Variants in LLGL1 observed in about 807,000 individuals in gnomAD.
LLGL1 encodes the protein LLGL scribble cell polarity complex component 1.
LLGL1 carries 58 observed loss-of-function variants against 110.6 expected under a neutral mutation model. The observed-to-expected ratio is 0.52, with a 90% CI of 0.42 to 0.65. LLGL1 has a LOEUF of 0.65. Among genes scored for constraint, LLGL1 ranks in the 30% least tolerant of loss-of-function variants. The pLI, the probability that LLGL1 is intolerant of heterozygous loss-of-function variation, is 0.00. For missense variants in LLGL1, 1,229 were observed against 1,462.1 expected (o/e 0.84, Z 2.60); for synonymous variants, 674 against 607.2 (o/e 1.11, Z -1.62).
Position 18,240,086 on chromosome 17 carries a change from A to AC in LLGL1, c.2207-492_2207-491insC, listed in dbSNP as rs974970613. Among the ~76,000 whole-genome samples, 1 of 152,070 alleles carries AC rather than the reference A, an allele frequency of 6.6e-6. No individual in the cohort carries two copies. The highest frequency in any genetic ancestry group is 2.4e-5 in the African/African-American group (1 of 41,404). On this transcript the variant is annotated intron_variant, in intron 16 of 22. Coordinates refer to ENST00000316843, the MANE Select transcript of LLGL1 (RefSeq NM_004140.4). The surrounding 1 kb of genome is among the most constrained non-coding windows in gnomAD (Gnocchi z 5.3). ...TGGCGGCTTCCTCTGGCTGCCACGT[A>AC]GGGAGCACACTGAAGACAGTGGGGG...
chr17:18,235,060 G>T (rs1462842416), intron 9 of LLGL1, 29 bp from the exon 10 acceptor site: 3 of 1,613,640 alleles, frequency 1.9e-6, no homozygotes, highest in Non-Finnish European at 2.5e-6. Flanking sequence ...CTATGGCTGT[G>T]CTCACCCCAT....
chr17:18,238,239 A>G (rs906202364), intron 15 of LLGL1, 25 bp downstream of exon 15: 1 of 1,607,646 alleles, frequency 6.2e-7, no homozygotes, highest in Non-Finnish European at 8.5e-7. Flanking sequence ...GCTGCACAGG[A>G]GCTGTGCCTG....
Position 18,238,513 on chromosome 17 carries a change from A to T in LLGL1, c.2110A>T (p.Thr704Ser), listed in dbSNP as rs1184140144. The part of the protein sequence containing the change: ...EQACPHDVEM[T>S]PVQRRIEPRS... ...GGCCTGCCCCCACGACGTGGAGATGACGCCCGTGCAGCGCCGCATTGAGCC... is the reference window on the plus strand; with the variant it reads ...GGCCTGCCCCCACGACGTGGAGATGTCGCCCGTGCAGCGCCGCATTGAGCC... Residue 704 changes from threonine (T) to serine (S), a missense_variant, in exon 16 of 23, where the codon ACG becomes TCG. Physicochemically the swap from Thr to Ser is moderately conservative, Grantham distance 58. Coordinates refer to ENST00000316843, the MANE Select transcript of LLGL1 (RefSeq NM_004140.4). The T allele has an allele frequency of 6.2e-7, 1 of 1,612,592 alleles. No individual in the cohort carries two copies. Among genetic ancestry groups the T allele is most frequent in the South Asian group, 1.1e-5 (1 of 91,072 alleles).
At chr17:18,231,840 A>G (rs1270476949) in intron 2 of LLGL1, among the ~76,000 whole-genome samples, 1 of 152,088 alleles carries the variant, frequency 6.6e-6, no homozygotes. Context: ...TTGCGTTTTT[A>G]GTAGAGACGA....
At chr17:18,241,859 C>A in intron 18 of LLGL1, 26 bp from the exon 19 acceptor site, 1 of 1,603,730 alleles carries the variant, frequency 6.2e-7, no homozygotes, top group Non-Finnish European at 8.5e-7. Context: ...CTTCTAACTG[C>A]ACTCCTCATT....
intron 17 of LLGL1, 198 bp downstream of exon 17, chr17:18,241,071 G>A (rs2047819799): frequency 8.0e-6 from 5 of 627,438 alleles, no homozygotes; most frequent in South Asian, 4.7e-5. Flanking sequence ...TCAGCCTGCT[G>A]AGTTCCCCTG....
chr17:18,242,058 C>T (rs1278621781), intron 19 of LLGL1, 59 bp downstream of exon 19: 14 of 1,553,036 alleles, frequency 9.0e-6, no homozygotes, highest in African/African-American at 2.7e-5. Context: ...GGTCTCATCC[C>T]ACCCCCGAGA....
At chr17:18,236,141 C>A in intron 11 of LLGL1, 1 of 186,280 alleles carries the variant, frequency 5.4e-6, no homozygotes. Context: ...CCTTCCCCTG[C>A]CCCCTCCCTG....
At chr17:18,239,460 C>T (rs962815415) in intron 16 of LLGL1, among the ~76,000 whole-genome samples, 1 of 152,140 alleles carries the variant, frequency 6.6e-6, no homozygotes, top group African/African-American at 2.4e-5. Context: ...TGCCTGCCAC[C>T]AGCCATGTGC....
chr17:18,232,472 C>G, intron 2 of LLGL1, 23 bp from the exon 3 acceptor site: 1 of 1,607,310 alleles, frequency 6.2e-7, no homozygotes. Context: ...ATGCCTATTT[C>G]CACCTTGACC....
intron 2 of LLGL1, among the ~76,000 whole-genome samples, chr17:18,230,711 C>T (rs567155105): frequency 1.3e-5 from 2 of 152,300 alleles, no homozygotes; most frequent in South Asian, 2.1e-4. Context: ...GGGGTGCTGA[C>T]CCCTACCCCT....
Position 18,241,460 on chromosome 17 carries a change from C to T in LLGL1, c.2512C>T (p.Leu838=). 1.2e-6 allele frequency: 2 copies of T among 1,612,396 alleles called. No individual in the cohort carries two copies. The highest frequency in any genetic ancestry group is 2.2e-5 in the South Asian group (2 of 91,036). ...AGCCACCTGCTGTCAGGTGTTCACA[C>T]TGCCCAAGGTGAGCGCGAAGACCAA... is the stretch of plus-strand genomic sequence containing the variant. ...ASEEQFKVFT[L]PKVSAKTKFK... The change falls in exon 18 of 23, where the codon CTG becomes TTG. Residue 838 remains leucine (L), a synonymous_variant. Transcript: ENST00000316843.
rs573730156 is a variant in LLGL1 at position 18,242,682 on chromosome 17, G to A, written c.3116+54G>A. 60 of 1,570,520 alleles carry A rather than the reference G, an allele frequency of 3.8e-5. 1 individual carries two copies. The highest frequency in any genetic ancestry group is 2.5e-4 in the Admixed American group (13 of 52,972). ...GGGCTGCCCTGTCCCCTAGGCCTCCGTCCCCAGGGCTGCCAGGGGCTCCCC... is the reference window on the plus strand; with the variant it reads ...GGGCTGCCCTGTCCCCTAGGCCTCCATCCCCAGGGCTGCCAGGGGCTCCCC... On this transcript the variant is annotated intron_variant, in intron 21 of 22. Transcript: ENST00000316843.
At position 18,233,782 on chromosome 17, in the gene LLGL1, C is replaced by G. The variant is rs770309166; in HGVS notation, c.397C>G (p.Pro133Ala). The G allele has an allele frequency of 1.9e-6, 3 of 1,612,880 alleles. No homozygotes were observed. Among genetic ancestry groups the G allele is most frequent in the South Asian group, 2.2e-5 (2 of 90,960 alleles). The change falls in exon 5 of 23, where the codon CCG becomes GCG. Residue 133 changes from proline (P) to alanine (A), a missense_variant. Coordinates refer to ENST00000316843, the MANE Select transcript of LLGL1 (RefSeq NM_004140.4). ...CCTTCCCCTTGTTCCCTGCAGTGCT[C>G]CGCTCAGCCTTACCCGAGTCACAGT... ...SRPGFDGASA[P>A]LSLTRVTVVL...
At chr17:18,227,656 G>A (rs780720811) in intron 1 of LLGL1, among the ~76,000 whole-genome samples, 5 of 152,232 alleles carry the variant, frequency 3.3e-5, no homozygotes, top group Non-Finnish European at 7.3e-5. Context: ...TTCCCAAAGT[G>A]CTAGGATTAC....
intron 12 of LLGL1, 31 bp from the exon 13 acceptor site, chr17:18,236,804 C>T (rs1351954087): frequency 6.2e-7 from 1 of 1,613,134 alleles, no homozygotes; most frequent in Non-Finnish European, 8.5e-7. Context: ...CTGACCCCGC[C>T]TGGACTCATT....
At chr17:18,229,582 G>T (rs1384768560) in intron 1 of LLGL1, among the ~76,000 whole-genome samples, 1 of 152,168 alleles carries the variant, frequency 6.6e-6, no homozygotes, top group Admixed American at 6.5e-5. Flanking sequence ...CCTCATCAGT[G>T]CCTGCACCTC....
intron 1 of LLGL1, 121 bp downstream of exon 1, chr17:18,225,884 C>G (rs2047426660): frequency 4.1e-6 from 1 of 246,100 alleles, no homozygotes; most frequent in Non-Finnish European, 6.3e-6. Context: ...CAGCGCGGCG[C>G]GGGGCGGGGC....
Position 18,232,681 on chromosome 17 carries a change from C to T in LLGL1, c.271C>T (p.Leu91=), listed in dbSNP as rs370859738. The T allele has an allele frequency of 2.5e-6, 4 of 1,614,200 alleles. No homozygotes were observed. In the African/African-American group the frequency reaches 4.0e-5, roughly 16 times the overall value. The part of the protein sequence containing the change: ...MHFLTGQGRL[L]SLLDDSSLHL... ...TCTGCTCACACACCAGGGCCGCCTC[C>T]TGTCCCTGCTTGATGACAGCAGTCT... The change falls in exon 4 of 23, where the codon CTG becomes TTG. Residue 91 remains leucine (L), a synonymous_variant. Transcript: ENST00000316843.
Sources: gnomAD v4.1 joint callset for allele counts (sites outside exome capture counted in the v4.1 genomes callset) on GRCh38, gnomAD v4.1.1 for gene constraint, Gnocchi (gnomAD v3.1) non-coding constraint, MANE v1.5 for transcripts, NCBI Gene and HGNC (gene_info 2026-07-23, HGNC 2026-07-21) for gene names.